Variants in SLC7A6 observed in about 807,000 individuals in gnomAD.
SLC7A6 encodes the protein Y+L amino acid transporter 2.
SLC7A6 carries 29 observed loss-of-function variants against 46.6 expected under a neutral mutation model. The ratio of observed to expected loss-of-function variants is 0.62; its 90% CI spans 0.46 to 0.85. SLC7A6 has a LOEUF of 0.85. Ranked by LOEUF, SLC7A6 falls within the 40% of genes least tolerant of loss-of-function variation. SLC7A6 has a pLI of 0.00. For missense variants in SLC7A6, 527 were observed against 647.6 expected, an observed-to-expected ratio of 0.81 and a Z score of 2.02; for synonymous variants, 276 against 257.3, an observed-to-expected ratio of 1.07 and a Z score of -0.70.
intron 2 of SLC7A6, among the ~76,000 whole-genome samples, chr16:68,268,037 C>G (rs1282414567): frequency 5.3e-5 from 8 of 152,190 alleles, no homozygotes; most frequent in Non-Finnish European, 1.0e-4. Context: ...TGTGGCTCTG[C>G]AAACCTCTTC....
intron 7 of SLC7A6, chr16:68,292,498 C>T (rs1298951328): frequency 1.3e-5 from 2 of 152,198 alleles, no homozygotes; most frequent in African/African-American, 4.8e-5. Context: ...CTCTCCTCTT[C>T]CCACTTACTG....
intron 4 of SLC7A6, among the ~76,000 whole-genome samples, chr16:68,289,085 A>T (rs2042995386): frequency 6.6e-6 from 1 of 151,534 alleles, no homozygotes; most frequent in Admixed American, 6.6e-5. Context: ...TGAGGTCAGG[A>T]GTTTGAGACC....
rs901768617 is a variant in SLC7A6, at chr16:68,275,401, G to A, written c.523+152G>A. On this transcript the variant is annotated intron_variant, in intron 3 of 10. Transcript: ENST00000219343. ...ACCTGAGGTTGGGAGTTCGAGACCA[G>A]CCTGACCAACATGGAGAAACCCCGT... 7.8e-6 allele frequency: 7 copies of A among 903,168 alleles called. No individual in the cohort carries two copies. The East Asian group carries it at 1.5e-4, about 20-fold the overall frequency. 55.9% of individuals were successfully genotyped at this position (903,168 alleles called of 1,614,324 possible).
At chr16:68,293,992 G>C (rs963849167) in intron 7 of SLC7A6, among the ~76,000 whole-genome samples, 1 of 152,260 alleles carries the variant, frequency 6.6e-6, no homozygotes, top group South Asian at 2.1e-4. Flanking sequence ...CCGCCTCCTG[G>C]ATTCAAGTGA....
Position 68,274,948 on chromosome 16 carries a change from T to C in SLC7A6, c.222T>C (p.Thr74=). Residue 74 remains threonine (T), a synonymous_variant, in exon 3 of 11, where the codon ACT becomes ACC. Coordinates refer to ENST00000219343, the MANE Select transcript of SLC7A6 (RefSeq NM_003983.6). ...FVSPKGVLVH[T]ASYGMSLIVW... The stretch of plus-strand genomic sequence containing the variant: ...CACCCAAGGGTGTGCTGGTACACAC[T>C]GCCTCCTATGGGATGTCACTGATTG... 1 of 1,614,228 alleles carries C rather than the reference T, an allele frequency of 6.2e-7. No homozygotes were observed.
chr16:68,276,901 G>A (rs1157448956), intron 3 of SLC7A6, among the ~76,000 whole-genome samples: 1 of 151,690 alleles, frequency 6.6e-6, no homozygotes, highest in East Asian at 1.9e-4. Flanking sequence ...AGGCTGAGAT[G>A]GGAGGATCTC....
In SLC7A6 at chr16:68,298,843, T is replaced by A. The variant is rs954649682; in HGVS notation, c.*1515T>A. On this transcript the variant is annotated 3_prime_UTR_variant, in exon 11 of 11. Transcript: ENST00000219343. Reference sequence around the variant, plus strand: ...GTGATGCCCCCAGACACTGTCATCCTGGGCCGAGAAGAACCTGCTAGCTTG... The same window carrying A: ...GTGATGCCCCCAGACACTGTCATCCAGGGCCGAGAAGAACCTGCTAGCTTG... 5.2e-5 allele frequency: 8 copies of A among 152,680 alleles called. No homozygotes were observed. Among genetic ancestry groups the A allele is most frequent in the African/African-American group, 1.9e-4 (8 of 41,474 alleles). The allele number at this position is 152,680 out of a possible 1,614,324, so 9.5% of individuals were successfully genotyped here.
intron 2 of SLC7A6, among the ~76,000 whole-genome samples, chr16:68,267,123 CG>C (rs1301882157): frequency 6.7e-6 from 1 of 150,284 alleles, no homozygotes; most frequent in Non-Finnish European, 1.5e-5. Context: ...TTAGTAGAGA[CG>C]GGGCTTTACC....
intron 6 of SLC7A6, 108 bp from the exon 7 acceptor site, chr16:68,291,450 C>T (rs984668923): frequency 8.3e-6 from 13 of 1,573,900 alleles, no homozygotes; most frequent in Non-Finnish European, 1.0e-5. Flanking sequence ...TGAGTCTAGG[C>T]CAGAGGGTGG....
Position 68,294,821 on chromosome 16 carries a change from C to A in SLC7A6, c.1119+20C>A. The A allele has an allele frequency of 6.4e-7, 1 of 1,557,838 alleles. No individual in the cohort carries two copies. The highest frequency in any genetic ancestry group is 8.9e-7 in the Non-Finnish European group (1 of 1,128,870). ...TTCAATGTAAGCTTTGCTGGGACCA[C>A]GGGGCTCAGGTGGATCTGTGCATTG... On this transcript the variant is annotated intron_variant, in intron 8 of 10. Transcript: ENST00000219343.
At chr16:68,271,688 G>A (rs753748595) in intron 2 of SLC7A6, among the ~76,000 whole-genome samples, 6 of 152,192 alleles carry the variant, frequency 3.9e-5, no homozygotes, top group Non-Finnish European at 8.8e-5. Flanking sequence ...ACTTAGTCAT[G>A]TGCTCTTGGG....
At position 68,287,887 on chromosome 16, in the gene SLC7A6, G is replaced by A; in HGVS notation, c.649+16G>A. 1 of 1,611,856 alleles carries A rather than the reference G, an allele frequency of 6.2e-7. No individual in the cohort carries two copies. The highest frequency in any genetic ancestry group is 8.5e-7 in the Non-Finnish European group (1 of 1,178,540). ...CTGTGCCAGGGTAAGTGGTGGGAAG[G>A]GGGGTACCACCAACAGTTCCTCTGG... is the stretch of plus-strand genomic sequence containing the variant. On this transcript the variant is annotated intron_variant, in intron 4 of 10. Coordinates refer to ENST00000219343, the MANE Select transcript of SLC7A6 (RefSeq NM_003983.6).
At chr16:68,265,952 T>C (rs948330282) in intron 1 of SLC7A6, among the ~76,000 whole-genome samples, 3 of 152,168 alleles carry the variant, frequency 2.0e-5, no homozygotes, top group African/African-American at 4.8e-5. Context: ...TTCTTGGATG[T>C]ATATTAGTTT....
At chr16:68,286,793 T>G (rs2042945202) in intron 3 of SLC7A6, among the ~76,000 whole-genome samples, 1 of 151,988 alleles carries the variant, frequency 6.6e-6, no homozygotes, top group South Asian at 2.1e-4. Flanking sequence ...CATTGAGAAT[T>G]GGGAGGTATG....
Position 68,301,481 on chromosome 16 carries a change from A to G in SLC7A6, c.*4153A>G, listed in dbSNP as rs2043274642. 7.2e-7 allele frequency: 1 copy of G among 1,387,296 alleles called. No individual in the cohort carries two copies. Among genetic ancestry groups the G allele is most frequent in the South Asian group, 1.3e-5 (1 of 76,018 alleles). The allele number at this position is 1,387,296 out of a possible 1,614,324, so 85.9% of individuals were successfully genotyped here. On this transcript the variant is annotated 3_prime_UTR_variant, in exon 11 of 11. Coordinates refer to ENST00000219343, the MANE Select transcript of SLC7A6 (RefSeq NM_003983.6). ...TGCAGGAGCCCCTTCTCTTCTCAGA[A>G]AGGTCTGTTTTTGTTCCCGATTGTA...
Position 68,290,549 on chromosome 16 carries a change from G to A in SLC7A6, c.794+9G>A, listed in dbSNP as rs1307955260. The A allele has an allele frequency of 6.2e-7, 1 of 1,613,912 alleles. No individual in the cohort carries two copies. Among genetic ancestry groups the A allele is most frequent in the East Asian group, 2.2e-5 (1 of 44,900 alleles). ...ATCAAAAACCCAGAAAGGTAAAGAT[G>A]GGATCACACTCTCACTCCCCAGCTT... On this transcript the variant is annotated intron_variant, in intron 5 of 10. Coordinates refer to ENST00000219343, the MANE Select transcript of SLC7A6 (RefSeq NM_003983.6).
In SLC7A6 at chr16:68,297,439, C is replaced by A; in HGVS notation, c.*111C>A. 2 of 840,846 alleles carry A rather than the reference C, an allele frequency of 2.4e-6. No homozygotes were observed. The highest frequency in any genetic ancestry group is 1.9e-6 in the Non-Finnish European group (1 of 537,044). 52.1% of individuals were successfully genotyped at this position (840,846 alleles called of 1,614,324 possible). A position where few individuals can be genotyped will look rare whatever the true frequency, so the allele number is the denominator to read the frequency against. On this transcript the variant is annotated 3_prime_UTR_variant, in exon 11 of 11. Coordinates refer to ENST00000219343, the MANE Select transcript of SLC7A6 (RefSeq NM_003983.6). Reference sequence around the variant, plus strand: ...AATTAAAGGAGCCTTTTGACCCAATCATATAGTGGGGCTCAGGGCCAGTGC... The same window carrying A: ...AATTAAAGGAGCCTTTTGACCCAATAATATAGTGGGGCTCAGGGCCAGTGC...
At chr16:68,280,021 G>A (rs2042799967) in intron 3 of SLC7A6, among the ~76,000 whole-genome samples, 2 of 152,238 alleles carry the variant, frequency 1.3e-5, no homozygotes, top group South Asian at 4.1e-4. Flanking sequence ...GTAGGCTTTA[G>A]GGTTCAGCTT....
Position 68,296,545 on chromosome 16 carries a change from G to A in SLC7A6, c.1269+32G>A, listed in dbSNP as rs572348476. Reference sequence around the variant, plus strand: ...AGCTCTGGCCAGACTAGGAGGGGTGGGCCATCTCCCTAAGGTGGCTTCTTG... The same window carrying A: ...AGCTCTGGCCAGACTAGGAGGGGTGAGCCATCTCCCTAAGGTGGCTTCTTG... On this transcript the variant is annotated intron_variant, in intron 9 of 10. Transcript: ENST00000219343. The A allele has an allele frequency of 1.9e-5, 31 of 1,614,030 alleles. No individual in the cohort carries two copies. In the East Asian group the frequency reaches 2.0e-4, roughly 10 times the overall value.
Sources: allele counts gnomAD v4.1 joint callset (sites outside exome capture counted in the v4.1 genomes callset), GRCh38; gene constraint gnomAD v4.1.1; transcripts MANE v1.5; gene names NCBI Gene and HGNC (gene_info 2026-07-23, HGNC 2026-07-21).